RBFOX1: variants seen among roughly 807,000 people sequenced by gnomAD.
RBFOX1 encodes the protein RNA binding fox-1 homolog 1.
Under a neutral mutation model 57.7 loss-of-function variants are expected in RBFOX1, and 8 were observed. The observed-to-expected ratio is 0.14, with a 90% CI of 0.08 to 0.25. The LOEUF (loss-of-function observed/expected upper bound fraction) is 0.25. RBFOX1 is among the 10% of genes least tolerant of loss of function. The pLI is 1.00. For synonymous variants in RBFOX1, 326 were observed against 222.4 expected, an observed-to-expected ratio of 1.47 and a Z score of -4.15; for missense variants, 611 against 548.5, an observed-to-expected ratio of 1.11 and a Z score of -1.14.
intron 4 of RBFOX1, among the ~76,000 whole-genome samples, chr16:6,000,477 T>C (rs1338564741): frequency 6.6e-6 from 1 of 152,130 alleles, no homozygotes; most frequent in Non-Finnish European, 1.5e-5. Context: ...AGTATAAAAT[T>C]GGATCCCGTG....
chr16:7,014,671 G>T (rs1038700213), intron 3 of RBFOX1, among the ~76,000 whole-genome samples: 3 of 152,136 alleles, frequency 2.0e-5, no homozygotes, highest in Admixed American at 1.3e-4. Context: ...TCAAGGTAAT[G>T]GGAATGGAAT....
At chr16:5,700,939 T>C (rs994827066) in intron 3 of RBFOX1, among the ~76,000 whole-genome samples, 8 of 152,138 alleles carry the variant, frequency 5.3e-5, no homozygotes, top group African/African-American at 1.9e-4. Context: ...AAGAAAAGGA[T>C]GGTTCTTGAA....
chr16:6,912,080 GCT>G (rs2071768945), intron 3 of RBFOX1, among the ~76,000 whole-genome samples: 1 of 152,176 alleles, frequency 6.6e-6, no homozygotes, highest in African/African-American at 2.4e-5. Flanking sequence ...GAATAAATAT[GCT>G]GTTGCTTTTT....
intron 2 of RBFOX1, among the ~76,000 whole-genome samples, chr16:5,548,654 A>C (rs915299034): frequency 2.0e-5 from 3 of 152,132 alleles, no homozygotes; most frequent in Non-Finnish European, 4.4e-5. Context: ...CCAAATGATT[A>C]AAAATAAAAA....
At chr16:6,205,594 G>T (rs1019679842) in intron 1 of RBFOX1, among the ~76,000 whole-genome samples, 1 of 152,034 alleles carries the variant, frequency 6.6e-6, no homozygotes, top group African/African-American at 2.4e-5. Flanking sequence ...GGTACATTTG[G>T]TGTACAGCAG....
At chr16:6,859,143 A>ATATATATGTATATATATACG (rs2058492951) in intron 3 of RBFOX1, among the ~76,000 whole-genome samples, 15 of 88,096 alleles carry the variant, frequency 1.7e-4, no homozygotes, top group East Asian at 8.9e-4. Context: ...ATATATACGT[A>ATATATATGTATATATATACG]TATATATATG....
intron 2 of RBFOX1, among the ~76,000 whole-genome samples, chr16:6,481,178 G>A (rs2095365951): frequency 6.6e-6 from 1 of 152,146 alleles, no homozygotes. Flanking sequence ...TGGTTTGGGA[G>A]GTTGCATCCC....
chr16:6,609,448 A>G (rs908023608), intron 2 of RBFOX1, among the ~76,000 whole-genome samples: 7 of 152,136 alleles, frequency 4.6e-5, no homozygotes, highest in Middle Eastern at 3.4e-3. Flanking sequence ...CCCAGGCTCA[A>G]TCCTCCCACC....
intron 1 of RBFOX1, among the ~76,000 whole-genome samples, chr16:6,024,403 A>C (rs1018937842): frequency 1.3e-5 from 2 of 152,178 alleles, no homozygotes; most frequent in African/African-American, 4.8e-5. Flanking sequence ...CATTCCAGAG[A>C]GGAGAGATTT....
intron 3 of RBFOX1, among the ~76,000 whole-genome samples, chr16:6,779,829 TTTTATA>T (rs2080132014): frequency 2.6e-4 from 1 of 3,906 alleles, no homozygotes; most frequent in African/African-American, 9.3e-4. Context: ...TTATATATAT[TTTTATA>T]TATTTATATA....
intron 4 of RBFOX1, among the ~76,000 whole-genome samples, chr16:7,185,814 C>T (rs555364523): frequency 6.6e-6 from 1 of 152,156 alleles, no homozygotes; most frequent in African/African-American, 2.4e-5. Flanking sequence ...ATCAGTCAGA[C>T]TCTCAGGTAC....
At chr16:6,501,642 C>T (rs913746551) in intron 2 of RBFOX1, among the ~76,000 whole-genome samples, 1 of 152,046 alleles carries the variant, frequency 6.6e-6, no homozygotes, top group South Asian at 2.1e-4. Flanking sequence ...GATTTAGAAT[C>T]CAAACATTCT....
chr16:7,469,570 T>A (rs1052410460), intron 4 of RBFOX1, among the ~76,000 whole-genome samples: 1 of 152,174 alleles, frequency 6.6e-6, no homozygotes, highest in Non-Finnish European at 1.5e-5. Flanking sequence ...TGAAATAGTT[T>A]TAGATTTATT....
rs898452804 is a variant in RBFOX1 at position 5,860,526 on chromosome 16, G to T, written c.319-6777G>T. On this transcript the variant is annotated intron_variant, in intron 3 of 19. Transcript: ENST00000641259. Reference sequence around the variant, plus strand: ...CTTGCTCCCATTTGTCAAGGTGGCTGTGTAGAGGAGAAGGGGAATGCAGTG... The same window carrying T: ...CTTGCTCCCATTTGTCAAGGTGGCTTTGTAGAGGAGAAGGGGAATGCAGTG... Among the ~76,000 whole-genome samples the T allele has an allele frequency of 2.6e-5, 4 of 152,332 alleles. No individual in the cohort carries two copies. The East Asian group carries it at 7.7e-4, about 29-fold the overall frequency.
At chr16:5,991,883 C>T (rs968759103) in intron 4 of RBFOX1, among the ~76,000 whole-genome samples, 4 of 151,916 alleles carry the variant, frequency 2.6e-5, no homozygotes, top group African/African-American at 9.7e-5. Context: ...AGCACCTGAG[C>T]AATGGAAGGC....
intron 3 of RBFOX1, among the ~76,000 whole-genome samples, chr16:6,968,023 G>T (rs1475622685): frequency 6.6e-6 from 1 of 152,142 alleles, no homozygotes; most frequent in East Asian, 1.9e-4. Context: ...CTCTTGTAAG[G>T]AAGCCATGTG....
intron 1 of RBFOX1, among the ~76,000 whole-genome samples, chr16:5,359,983 C>A (rs1383617935): frequency 6.6e-6 from 1 of 152,196 alleles, no homozygotes; most frequent in Non-Finnish European, 1.5e-5. Context: ...AGAGCGAAAA[C>A]AATCCAAAAC....
chr16:5,997,978 A>G (rs2060519988), intron 4 of RBFOX1, among the ~76,000 whole-genome samples: 1 of 152,224 alleles, frequency 6.6e-6, no homozygotes, highest in African/African-American at 2.4e-5. Flanking sequence ...CACATAGGAA[A>G]AGCCGTAACA....
chr16:7,566,442 G>T (rs1445598334), intron 5 of RBFOX1, among the ~76,000 whole-genome samples: 1 of 152,094 alleles, frequency 6.6e-6, no homozygotes, highest in African/African-American at 2.4e-5. Flanking sequence ...TTTTCACCTT[G>T]ACCTTGAAAG....
Sources: gnomAD v4.1 joint callset for allele counts (sites outside exome capture counted in the v4.1 genomes callset) on GRCh38, gnomAD v4.1.1 for gene constraint, MANE v1.5 for transcripts, NCBI Gene and HGNC (gene_info 2026-07-23, HGNC 2026-07-21) for gene names.